LRMDA: variants seen among roughly 807,000 people sequenced by gnomAD.
The protein encoded by LRMDA is leucine rich melanocyte differentiation associated, also known as leucine-rich melanocyte differentiation-associated protein.
A neutral mutation model predicts 29.8 loss-of-function variants in LRMDA; 18 were observed. The observed-to-expected ratio is 0.60, with a 90% CI of 0.42 to 0.90. The LOEUF (loss-of-function observed/expected upper bound fraction) is 0.90. LRMDA is among the 40% of genes least tolerant of loss of function. The pLI, the probability that LRMDA is intolerant of heterozygous loss-of-function variation, is 0.00. For synonymous variants in LRMDA, 125 were observed against 109.4 expected, an observed-to-expected ratio of 1.14 and a Z score of -0.89; for missense variants, 273 against 273.9, an observed-to-expected ratio of 1.00 and a Z score of 0.02.
At chr10:76,129,956 TA>T (rs1849956924) in intron 5 of LRMDA, among the ~76,000 whole-genome samples, 1 of 152,200 alleles carries the variant, frequency 6.6e-6, no homozygotes, top group African/African-American at 2.4e-5. Context: ...TCTTCATATG[TA>T]AAATGGGGTA....
At chr10:76,295,615 G>T (rs1370478349) in intron 5 of LRMDA, among the ~76,000 whole-genome samples, 1 of 152,204 alleles carries the variant, frequency 6.6e-6, no homozygotes, top group Admixed American at 6.5e-5. Context: ...TCACGGACAT[G>T]CACTGGCTGA....
chr10:76,203,194 T>C (rs910682223), intron 5 of LRMDA, among the ~76,000 whole-genome samples: 1 of 152,224 alleles, frequency 6.6e-6, no homozygotes, highest in Non-Finnish European at 1.5e-5. Context: ...ATCTCACAAG[T>C]TCTGCTCCCT....
At chr10:76,278,527 C>T (rs1840164146) in intron 5 of LRMDA, among the ~76,000 whole-genome samples, 1 of 152,140 alleles carries the variant, frequency 6.6e-6, no homozygotes, top group Admixed American at 6.5e-5. Flanking sequence ...CTTATCCCGA[C>T]CTTGACACTC....
chr10:75,547,666 T>A (rs1421107808), intron 2 of LRMDA, among the ~76,000 whole-genome samples: 1 of 152,214 alleles, frequency 6.6e-6, no homozygotes, highest in Non-Finnish European at 1.5e-5. Context: ...GTTTATGGTA[T>A]GTAATAAATC....
At chr10:75,510,660 C>T (rs1845215014) in intron 2 of LRMDA, among the ~76,000 whole-genome samples, 1 of 152,160 alleles carries the variant, frequency 6.6e-6, no homozygotes, top group Non-Finnish European at 1.5e-5. Flanking sequence ...CTCAGGTTTG[C>T]TCTCTTGGCC....
intron 2 of LRMDA, among the ~76,000 whole-genome samples, chr10:75,510,431 C>G (rs1259134077): frequency 6.6e-6 from 1 of 152,174 alleles, no homozygotes; most frequent in Non-Finnish European, 1.5e-5. Context: ...GTATGTTACA[C>G]ACTGTAGTTT....
At chr10:76,341,327 T>C (rs993057050) in intron 6 of LRMDA, among the ~76,000 whole-genome samples, 4 of 152,158 alleles carry the variant, frequency 2.6e-5, no homozygotes, top group African/African-American at 9.7e-5. Context: ...TTGAAAAATA[T>C]ACTAGTCTTA....
intron 2 of LRMDA, among the ~76,000 whole-genome samples, chr10:75,704,818 T>C (rs1323086596): frequency 1.3e-5 from 2 of 152,224 alleles, no homozygotes; most frequent in Admixed American, 1.3e-4. Flanking sequence ...CTTTCTGCAC[T>C]TCTGTTTTCC....
At chr10:75,572,543 C>T (rs570456583) in intron 2 of LRMDA, among the ~76,000 whole-genome samples, 15 of 152,232 alleles carry the variant, frequency 9.9e-5, no homozygotes, top group South Asian at 6.2e-4. Flanking sequence ...TTTTAAGTTT[C>T]GATTTCTGCC....
At chr10:75,914,336 A>G (rs565308103) in intron 2 of LRMDA, among the ~76,000 whole-genome samples, 2 of 152,188 alleles carry the variant, frequency 1.3e-5, no homozygotes, top group African/African-American at 4.8e-5. Context: ...CTTTACTCCA[A>G]ATTTAAAAAT....
intron 6 of LRMDA, among the ~76,000 whole-genome samples, chr10:76,338,802 A>G (rs1365858567): frequency 6.6e-6 from 1 of 152,240 alleles, no homozygotes; most frequent in East Asian, 1.9e-4. Flanking sequence ...AATACTGGAT[A>G]CCTGCTAACA....
At chr10:75,702,423 A>G (rs748943149) in intron 2 of LRMDA, among the ~76,000 whole-genome samples, 2 of 152,214 alleles carry the variant, frequency 1.3e-5, no homozygotes, top group Non-Finnish European at 2.9e-5. Context: ...AAGTGAGTTC[A>G]TCAGAGAGGC....
intron 2 of LRMDA, among the ~76,000 whole-genome samples, chr10:75,550,849 T>A (rs1840133089): frequency 6.6e-6 from 1 of 152,092 alleles, no homozygotes; most frequent in Admixed American, 6.6e-5. Context: ...TGCTTTAGGG[T>A]GTACAGTATA....
chr10:75,630,637 C>G (rs1213534699), intron 2 of LRMDA, among the ~76,000 whole-genome samples: 1 of 152,188 alleles, frequency 6.6e-6, no homozygotes, highest in Non-Finnish European at 1.5e-5. Context: ...ATCTCTCTGT[C>G]AGCTTTGTTT....
chr10:75,518,167 T>G (rs1564790778), intron 2 of LRMDA, among the ~76,000 whole-genome samples: 1 of 152,198 alleles, frequency 6.6e-6, no homozygotes, highest in Non-Finnish European at 1.5e-5. Context: ...TTCTCTTTTT[T>G]GTGTGTGTAT....
intron 5 of LRMDA, among the ~76,000 whole-genome samples, chr10:76,228,579 G>T (rs1852004313): frequency 6.6e-6 from 1 of 152,132 alleles, no homozygotes; most frequent in African/African-American, 2.4e-5. Context: ...AAATCATAGG[G>T]GGTTGAATCG....
At chr10:75,616,541 T>G (rs967547585) in intron 2 of LRMDA, among the ~76,000 whole-genome samples, 47 of 152,236 alleles carry the variant, frequency 3.1e-4, no homozygotes, top group African/African-American at 1.1e-3. Context: ...CCCAGATAAT[T>G]GGAGTCTATG....
Position 76,424,653 on chromosome 10 carries a change from A to G in LRMDA, c.601+100168A>G, listed in dbSNP as rs146683403. ...TTCACTTTCATTTCTTATTTAATTC[A>G]TATGCTAATCCTTCAAAGTGGGTGA... On this transcript the variant is annotated intron_variant, in intron 6 of 6. Coordinates refer to ENST00000611255, the MANE Select transcript of LRMDA (RefSeq NM_001305581.2). Among the ~76,000 whole-genome samples, 581 of 152,366 alleles carry G rather than the reference A, an allele frequency of 3.8e-3. 2 individuals are homozygous for G. Among genetic ancestry groups the G allele is most frequent in the African/African-American group, 0.013 (536 of 41,586 alleles).
chr10:76,251,785 G>GTTA (rs1852489728), intron 5 of LRMDA, among the ~76,000 whole-genome samples: 1 of 152,174 alleles, frequency 6.6e-6, no homozygotes. Flanking sequence ...CGCTACTGGA[G>GTTA]GTTAAGGCAA....
Sources: allele counts gnomAD v4.1 joint callset (sites outside exome capture counted in the v4.1 genomes callset), GRCh38; gene constraint gnomAD v4.1.1; transcripts MANE v1.5; gene names NCBI Gene and HGNC (gene_info 2026-07-23, HGNC 2026-07-21).